SLC30A8: variants seen among roughly 807,000 people sequenced by gnomAD.
SLC30A8 encodes the protein proton-coupled zinc antiporter SLC30A8.
In SLC30A8, 27 loss-of-function variants were observed where a neutral mutation model predicts 36.9. That is an observed-to-expected ratio of 0.73 (90% CI 0.54 to 1.01). SLC30A8 has a LOEUF of 1.01. Ranked by LOEUF, SLC30A8 falls within the 50% of genes least tolerant of loss-of-function variation. The pLI is 0.00. For missense variants in SLC30A8, 439 were observed against 452.0 expected (o/e 0.97, Z 0.26); for synonymous variants, 164 against 172.4 (o/e 0.95, Z 0.38).
rs552175271 is a variant in SLC30A8 at position 117,156,286 on chromosome 8, G to T, written c.419-1405G>T. ...TTGAACTATTGACCTCAGGCAATCC[G>T]CTTGCTTCAGCCTCACAAAGTGCTG... On this transcript the variant is annotated intron_variant, in intron 3 of 7. Transcript: ENST00000456015. Among the ~76,000 whole-genome samples the T allele has an allele frequency of 2.0e-5, 3 of 152,220 alleles. No individual in the cohort carries two copies. The East Asian group carries it at 5.8e-4, about 29-fold the overall frequency.
Position 117,097,410 on chromosome 8 carries a change from A to ATATATATATATATATAT in SLC30A8, c.-225-37870_-225-37869insTATATATATATATATAT, listed in dbSNP as rs1563593753. On this transcript the variant is annotated intron_variant, in intron 2 of 10. Coordinates refer to the SLC30A8 transcript ENST00000427715. ...AGACTCCATCTCAAAAAAAAAAAAA[A>ATATATATATATATATAT]AAAAAAAAATATATATAAATATATA... Among the ~76,000 whole-genome samples, 3 of 122,734 alleles carry ATATATATATATATATAT rather than the reference A, an allele frequency of 2.4e-5. 1 individual carries two copies. Among genetic ancestry groups the ATATATATATATATATAT allele is most frequent in the African/African-American group, 1.0e-4 (3 of 29,964 alleles). The allele number at this position is 122,734 out of a possible 152,430, so 80.5% of individuals were successfully genotyped here. A position where few individuals can be genotyped will look rare whatever the true frequency, so the allele number is the denominator to read the frequency against.
upstream of SLC30A8, among the ~76,000 whole-genome samples, chr8:117,131,400 A>G (rs1586563475): frequency 6.6e-6 from 1 of 152,044 alleles, no homozygotes; most frequent in South Asian, 2.1e-4. Context: ...GTGAGAATGC[A>G]TGAGTCCAGA....
chr8:117,045,820 C>T (rs1817532756), intron 2 of SLC30A8, among the ~76,000 whole-genome samples: 1 of 152,134 alleles, frequency 6.6e-6, no homozygotes, highest in Admixed American at 6.5e-5. Flanking sequence ...CTGAACTTAC[C>T]GACCTCTTCA....
At chr8:117,094,493 A>C (rs1819272435) in intron 2 of SLC30A8, among the ~76,000 whole-genome samples, 1 of 152,196 alleles carries the variant, frequency 6.6e-6, no homozygotes, top group Non-Finnish European at 1.5e-5. Flanking sequence ...ATGAGTGTCC[A>C]GCTCTCAGCA....
At chr8:117,020,135 ACTTAG>A (rs1816655055) in intron 1 of SLC30A8, among the ~76,000 whole-genome samples, 1 of 152,200 alleles carries the variant, frequency 6.6e-6, no homozygotes, top group Admixed American at 6.5e-5. Flanking sequence ...AGTTGTTGCA[ACTTAG>A]CTTCCAACAG....
chr8:117,023,186 A>G (rs1487283616), intron 1 of SLC30A8, among the ~76,000 whole-genome samples: 1 of 152,232 alleles, frequency 6.6e-6, no homozygotes, highest in Non-Finnish European at 1.5e-5. Context: ...ATCTCACACC[A>G]GTTAGAATGG....
intron 1 of SLC30A8, among the ~76,000 whole-genome samples, chr8:117,006,723 G>A (rs962891953): frequency 1.3e-5 from 2 of 149,486 alleles, no homozygotes; most frequent in Non-Finnish European, 3.0e-5. Context: ...GAGATGCTAA[G>A]TAACATCACA....
chr8:116,969,745 T>C (rs1349072617), intron 1 of SLC30A8, among the ~76,000 whole-genome samples: 2 of 152,040 alleles, frequency 1.3e-5, no homozygotes, highest in African/African-American at 4.8e-5. Flanking sequence ...TCTAAACATA[T>C]TAAAACAAAA....
chr8:117,150,628 C>T (rs890014549), intron 2 of SLC30A8, among the ~76,000 whole-genome samples: 3 of 151,908 alleles, frequency 2.0e-5, no homozygotes, highest in African/African-American at 7.3e-5. Flanking sequence ...TTTTTTGAGA[C>T]GGGGTCTCGT....
chr8:117,142,629 C>T (rs957804357), intron 1 of SLC30A8, among the ~76,000 whole-genome samples: 1 of 152,108 alleles, frequency 6.6e-6, no homozygotes, highest in Non-Finnish European at 1.5e-5. Flanking sequence ...GGCATTTGCT[C>T]CAGCAATGCC....
chr8:117,050,380 G>A (rs1176421972), intron 2 of SLC30A8, among the ~76,000 whole-genome samples: 1 of 151,592 alleles, frequency 6.6e-6, no homozygotes, highest in Non-Finnish European at 1.5e-5. Flanking sequence ...AACTGATTTC[G>A]GGGTTCTTCT....
intron 1 of SLC30A8, among the ~76,000 whole-genome samples, chr8:117,024,249 T>A (rs2130729193): frequency 6.6e-6 from 1 of 152,370 alleles, no homozygotes; most frequent in South Asian, 2.1e-4. Context: ...GTAAACGATT[T>A]TAGGAAATAC....
chr8:117,058,888 A>G (rs1817948286), intron 2 of SLC30A8, among the ~76,000 whole-genome samples: 1 of 152,212 alleles, frequency 6.6e-6, no homozygotes, highest in African/African-American at 2.4e-5. Flanking sequence ...GAGAGGTTAA[A>G]ACAAAGACTG....
chr8:117,093,156 G>A (rs1819203812), intron 2 of SLC30A8, among the ~76,000 whole-genome samples: 1 of 151,878 alleles, frequency 6.6e-6, no homozygotes, highest in African/African-American at 2.4e-5. Flanking sequence ...CCTTGGCCAT[G>A]AGGTAAGATA....
At chr8:117,105,579 A>C (rs1819958912) in intron 2 of SLC30A8, among the ~76,000 whole-genome samples, 1 of 152,158 alleles carries the variant, frequency 6.6e-6, no homozygotes, top group Non-Finnish European at 1.5e-5. Flanking sequence ...TGAAATTTGT[A>C]GGGCAAGCCA....
rs190556960 is a variant in SLC30A8 at position 117,018,671 on chromosome 8, C to G, written c.-265-20548C>G. Among the ~76,000 whole-genome samples the G allele has an allele frequency of 7.6e-3, 948 of 124,460 alleles. 19 individuals are homozygous for G. The highest frequency in any genetic ancestry group is 0.027 in the African/African-American group (894 of 33,444). The allele number at this position is 124,460 out of a possible 152,430, so 81.7% of individuals were successfully genotyped here. On this transcript the variant is annotated intron_variant, in intron 1 of 10. Coordinates refer to the SLC30A8 transcript ENST00000427715. Reference sequence around the variant, plus strand: ...TGGGCCAAATCTGACTAGCCCCCCCCCCCCTTTTTTTTTTTGATGGAGTCT... The same window carrying G: ...TGGGCCAAATCTGACTAGCCCCCCCGCCCCTTTTTTTTTTTGATGGAGTCT...
intron 2 of SLC30A8, chr8:117,129,871 T>C (rs1821058909): frequency 6.6e-6 from 1 of 151,926 alleles, no homozygotes; most frequent in Non-Finnish European, 1.5e-5. Context: ...TGTTTGCTTG[T>C]TATAATTAAA....
intron 2 of SLC30A8, among the ~76,000 whole-genome samples, chr8:117,096,862 C>T (rs1270301025): frequency 6.6e-6 from 1 of 152,048 alleles, no homozygotes; most frequent in Non-Finnish European, 1.5e-5. Context: ...TGCACCTCTC[C>T]CCACCTCCCA....
intron 1 of SLC30A8, among the ~76,000 whole-genome samples, chr8:117,031,764 G>A (rs576084630): frequency 2.6e-5 from 4 of 151,768 alleles, no homozygotes; most frequent in Admixed American, 6.6e-5. Flanking sequence ...GCACCCAGCC[G>A]AAATCTTCTT....
Sources: gnomAD v4.1 joint callset for allele counts (sites outside exome capture counted in the v4.1 genomes callset) on GRCh38, gnomAD v4.1.1 for gene constraint, MANE v1.5 for transcripts, NCBI Gene and HGNC (gene_info 2026-07-23, HGNC 2026-07-21) for gene names.